The following FRMD3 variants were observed in gnomAD, a reference collection of about 807,000 sequenced individuals.
FRMD3 encodes the protein FERM domain-containing protein 3.
FRMD3 carries 33 observed loss-of-function variants against 70.2 expected under a neutral mutation model. The ratio of observed to expected loss-of-function variants is 0.47; its 90% CI spans 0.36 to 0.63. The LOEUF (loss-of-function observed/expected upper bound fraction) is 0.63. Ranked by LOEUF, FRMD3 falls within the 20% of genes least tolerant of loss-of-function variation. FRMD3 has a pLI of 0.00. For synonymous variants in FRMD3, 279 were observed against 255.9 expected (o/e 1.09, Z -0.86); for missense variants, 632 against 711.4 (o/e 0.89, Z 1.27).
At chr9:83,479,671 G>GGAAAGAAAGAAAGAAAGAAA (rs1290109477) in intron 1 of FRMD3, among the ~76,000 whole-genome samples, 14 of 29,988 alleles carry the variant, frequency 4.7e-4, no homozygotes, top group East Asian at 3.1e-3. Context: ...AAGGAAGGAA[G>GGAAAGAAAGAAAGAAAGAAA]GAAAGAAAGA....
intron 1 of FRMD3, among the ~76,000 whole-genome samples, chr9:83,520,875 A>T (rs1447931556): frequency 1.3e-5 from 2 of 151,780 alleles, no homozygotes; most frequent in Non-Finnish European, 2.9e-5. Context: ...CTGTAATCCC[A>T]AGACTTTGGG....
At chr9:83,349,559 T>A in intron 4 of FRMD3, 120 bp downstream of exon 4, 1 of 630,976 alleles carries the variant, frequency 1.6e-6, no homozygotes, top group South Asian at 2.2e-5. Context: ...AAACGCTGAA[T>A]TCCAAGCTTG....
At chr9:83,362,717 T>C (rs911794906) in intron 3 of FRMD3, among the ~76,000 whole-genome samples, 2 of 152,240 alleles carry the variant, frequency 1.3e-5, no homozygotes, top group African/African-American at 4.8e-5. Flanking sequence ...ACATGCTTAA[T>C]GCATATGCAT....
intron 1 of FRMD3, among the ~76,000 whole-genome samples, chr9:83,407,380 A>C (rs578056970): frequency 6.6e-6 from 1 of 152,334 alleles, no homozygotes; most frequent in African/African-American, 2.4e-5. Context: ...TAATGGTGGA[A>C]TTGCATACTA....
chr9:83,278,153 C>G (rs774632087), intron 13 of FRMD3, among the ~76,000 whole-genome samples: 4 of 152,168 alleles, frequency 2.6e-5, no homozygotes, highest in Non-Finnish European at 4.4e-5. Context: ...ATACAAAGAC[C>G]AGAGAGAAGA....
Position 83,377,031 on chromosome 9 carries a change from AT to A in FRMD3, c.253-4077del, listed in dbSNP as rs529881395. Among the ~76,000 whole-genome samples, 17 of 152,252 alleles carry A rather than the reference AT, an allele frequency of 1.1e-4. No homozygotes were observed. In the East Asian group the frequency reaches 3.3e-3, roughly 29 times the overall value. On this transcript the variant is annotated intron_variant, in intron 2 of 13. Transcript: ENST00000304195. ...TATAATGTCTTACATAACTACTAAA[AT>A]TTTAGGACATAACTACTTGCTTGGA...
At chr9:83,465,416 C>A (rs930258480) in intron 1 of FRMD3, among the ~76,000 whole-genome samples, 8 of 152,178 alleles carry the variant, frequency 5.3e-5, no homozygotes, top group Admixed American at 6.5e-5. Flanking sequence ...CACAGAGAGA[C>A]CCTGTATCTT....
At chr9:83,338,182 G>A (rs990723573) in intron 5 of FRMD3, among the ~76,000 whole-genome samples, 2 of 152,178 alleles carry the variant, frequency 1.3e-5, no homozygotes, top group Non-Finnish European at 2.9e-5. Context: ...AATAATTAGA[G>A]ATATGCAAAC....
chr9:83,548,755 T>G, the FRMD3 span, among the ~76,000 whole-genome samples: 9,663 of 152,152 alleles, frequency 0.064, 439 homozygotes, highest in East Asian at 0.11. Context: ...TGTCTATATT[T>G]TTTCATCCAT....
chr9:83,256,958 T>C (rs1296329260), intron 13 of FRMD3, among the ~76,000 whole-genome samples: 1 of 152,162 alleles, frequency 6.6e-6, no homozygotes, highest in Non-Finnish European at 1.5e-5. Flanking sequence ...TGGAAGACAG[T>C]GTGGCGATTC....
chr9:83,338,391 C>T (rs1823647805), intron 5 of FRMD3, among the ~76,000 whole-genome samples: 1 of 151,810 alleles, frequency 6.6e-6, no homozygotes, highest in South Asian at 2.1e-4. Context: ...TAGAAAAACT[C>T]TAGGTGCAAA....
intron 1 of FRMD3, among the ~76,000 whole-genome samples, chr9:83,529,773 T>G (rs1399745833): frequency 1.3e-5 from 2 of 152,216 alleles, no homozygotes; most frequent in Non-Finnish European, 2.9e-5. Context: ...CCAGAATATA[T>G]GAAGAACTCT....
chr9:83,453,115 C>G (rs1218284308), intron 1 of FRMD3, among the ~76,000 whole-genome samples: 1 of 152,082 alleles, frequency 6.6e-6, no homozygotes, highest in Non-Finnish European at 1.5e-5. Flanking sequence ...CTCAACCTCC[C>G]AAAGTGCTGG....
chr9:83,540,272 C>T (rs1829984201), upstream of FRMD3, among the ~76,000 whole-genome samples: 2 of 152,190 alleles, frequency 1.3e-5, no homozygotes, highest in Non-Finnish European at 2.9e-5. Flanking sequence ...ACAGTCCATG[C>T]TTTTCTTTTA....
At chr9:83,273,722 G>A (rs1045998545) in intron 13 of FRMD3, among the ~76,000 whole-genome samples, 3 of 149,758 alleles carry the variant, frequency 2.0e-5, no homozygotes, top group Admixed American at 6.7e-5. Context: ...TATGCACAAA[G>A]TGTCTAAAAT....
rs191361986 is a variant in FRMD3 at position 83,454,259 on chromosome 9, C to A, written c.148-64551G>T. Among the ~76,000 whole-genome samples, 7 of 152,256 alleles carry A rather than the reference C, an allele frequency of 4.6e-5. No individual in the cohort carries two copies. The East Asian group carries it at 1.3e-3, about 29-fold the overall frequency. On this transcript the variant is annotated intron_variant, in intron 1 of 13. Transcript: ENST00000304195. ...TCTAAATATTAAACAAATATAGAAA[C>A]CAAATGGCTGATGGCTATCCTAAGA...
chr9:83,309,681 A>T, intron 9 of FRMD3, 57 bp from the exon 10 acceptor site: 3 of 1,155,218 alleles, frequency 2.6e-6, no homozygotes, highest in Non-Finnish European at 3.7e-6. Flanking sequence ...TACATTTTCC[A>T]TGGGTTTTTT....
rs946897336 is a variant in FRMD3 at position 83,284,225 on chromosome 9, G to C, written c.1195+6378C>G. On this transcript the variant is annotated intron_variant, in intron 13 of 13. Transcript: ENST00000304195. ...TAGAACTGGGGTTGGTCATCACCAGGTAGCAGGAACCATAAGGGGAAAGGT... is the reference window on the plus strand; with the variant it reads ...TAGAACTGGGGTTGGTCATCACCAGCTAGCAGGAACCATAAGGGGAAAGGT... 1.3e-4 allele frequency among the ~76,000 whole-genome samples: 20 copies of C among 152,102 alleles called. No individual in the cohort carries two copies. The East Asian group carries it at 3.7e-3, about 28-fold the overall frequency.
intron 1 of FRMD3, among the ~76,000 whole-genome samples, chr9:83,432,848 C>T (rs772679130): frequency 1.3e-5 from 2 of 152,216 alleles, no homozygotes; most frequent in Non-Finnish European, 2.9e-5. Flanking sequence ...CTGCACCTGT[C>T]ACCCAAGTAG....
Sources: allele counts gnomAD v4.1 joint callset (sites outside exome capture counted in the v4.1 genomes callset), GRCh38; gene constraint gnomAD v4.1.1; transcripts MANE v1.5; gene names NCBI Gene and HGNC (gene_info 2026-07-23, HGNC 2026-07-21).